The following WAC variants were observed in gnomAD, a reference collection of about 807,000 sequenced individuals.
WAC encodes the protein WW domain-containing adapter protein with coiled-coil.
A neutral mutation model predicts 79.6 loss-of-function variants in WAC; 11 were observed. That is an observed-to-expected ratio of 0.14 (90% CI 0.09 to 0.23). The LOEUF (loss-of-function observed/expected upper bound fraction) is 0.23, where lower values mean the gene tolerates loss of function less well. Ranked by LOEUF, WAC falls within the 10% of genes least tolerant of loss-of-function variation. The pLI, the probability that WAC is intolerant of heterozygous loss-of-function variation, is 1.00. For missense variants in WAC, 728 were observed against 773.5 expected (o/e 0.94, Z 0.70); for synonymous variants, 304 against 276.9 (o/e 1.10, Z -0.97).
chr10:28,543,970 A>G (rs1352070955), intron 3 of WAC, among the ~76,000 whole-genome samples: 1 of 152,152 alleles, frequency 6.6e-6, no homozygotes, highest in Non-Finnish European at 1.5e-5. Flanking sequence ...GCTCACAGCA[A>G]GCTCGCCTCT....
intron 1 of WAC, 138 bp downstream of exon 1, chr10:28,533,758 C>CTG: frequency 1.9e-6 from 2 of 1,073,470 alleles, no homozygotes; most frequent in African/African-American, 3.4e-5. Flanking sequence ...GGAGGAGCGG[C>CTG]CGCGCGGGCG....
Position 28,533,639 on chromosome 10 carries a change from T to C in WAC, c.41+19T>C, listed in dbSNP as rs372295358. The C allele has an allele frequency of 6.3e-7, 1 of 1,578,802 alleles. No individual in the cohort carries two copies. Among genetic ancestry groups the C allele is most frequent in the Non-Finnish European group, 8.6e-7 (1 of 1,160,506 alleles). ...GTGATGGGTAAATTGTCTTTTCGTTTCGGGCCGGGCGGCGGCGGGGGGCGG... is the reference window on the plus strand; with the variant it reads ...GTGATGGGTAAATTGTCTTTTCGTTCCGGGCCGGGCGGCGGCGGGGGGCGG... On this transcript the variant is annotated intron_variant, in intron 1 of 13. Transcript: ENST00000354911.
intron 3 of WAC, among the ~76,000 whole-genome samples, chr10:28,582,996 A>C (rs1839618134): frequency 6.6e-6 from 1 of 152,166 alleles, no homozygotes; most frequent in South Asian, 2.1e-4. Flanking sequence ...CAGTTGCAAA[A>C]ACATACTGAT....
rs1324705770 is a variant in WAC, at chr10:28,541,415, G to T, written c.274+5658G>T. Among the ~76,000 whole-genome samples the T allele has an allele frequency of 5.0e-3, 191 of 37,886 alleles. 5 individuals are homozygous for T. Among genetic ancestry groups the T allele is most frequent in the Non-Finnish European group, 7.1e-3 (167 of 23,612 alleles). 24.9% of individuals were successfully genotyped at this position (37,886 alleles called of 152,430 possible). ...TTTTTGTGGGGTTGTGTGTGTGTGT[G>T]TTTTGTTTTTTTTTTTTTTTTTTTT... On this transcript the variant is annotated intron_variant, in intron 3 of 13. Coordinates refer to ENST00000354911, the MANE Select transcript of WAC (RefSeq NM_016628.5).
At position 28,572,173 on chromosome 10, in the gene WAC, C is replaced by T. The variant is rs557344721; in HGVS notation, c.275-11226C>T. Among the ~76,000 whole-genome samples, 52 of 97,282 alleles carry T rather than the reference C, an allele frequency of 5.3e-4. No homozygotes were observed. The East Asian group carries it at 0.013, about 24-fold the overall frequency. 63.8% of individuals were successfully genotyped at this position (97,282 alleles called of 152,430 possible). On this transcript the variant is annotated intron_variant, in intron 3 of 13. Transcript: ENST00000354911. ...CCAAGATGGTGAAACCCCATCTCTACTAAAAGTACAAAAATTAGCCGGGCT... is the reference window on the plus strand; with the variant it reads ...CCAAGATGGTGAAACCCCATCTCTATTAAAAGTACAAAAATTAGCCGGGCT...
chr10:28,593,853 T>C (rs1840222234), intron 6 of WAC, among the ~76,000 whole-genome samples: 1 of 152,242 alleles, frequency 6.6e-6, no homozygotes, highest in African/African-American at 2.4e-5. Flanking sequence ...TTTGCAAACC[T>C]GTGCTTTATA....
intron 9 of WAC, 111 bp from the exon 10 acceptor site, chr10:28,611,663 G>A (rs926765093): frequency 2.2e-6 from 3 of 1,369,258 alleles, no homozygotes; most frequent in African/African-American, 2.9e-5. Flanking sequence ...TAATATGGGG[G>A]TGGGGGGGTT....
At chr10:28,573,253 TC>T (rs916997116) in intron 3 of WAC, among the ~76,000 whole-genome samples, 18 of 152,058 alleles carry the variant, frequency 1.2e-4, no homozygotes, top group Non-Finnish European at 1.6e-4. Context: ...AATTGTCATC[TC>T]CCCCCCAAAA....
At chr10:28,583,262 C>A in intron 3 of WAC, 137 bp from the exon 4 acceptor site, 1 of 565,020 alleles carries the variant, frequency 1.8e-6, no homozygotes, top group Non-Finnish European at 3.0e-6. Context: ...AAAAGTATGA[C>A]TGTGTATATA....
chr10:28,603,968 T>A (rs868393161), intron 7 of WAC, among the ~76,000 whole-genome samples: 592 of 8,586 alleles, frequency 0.069, 108 homozygotes, highest in African/African-American at 0.22. Flanking sequence ...TATGTATATA[T>A]ATATATATAT....
At chr10:28,606,107 A>G (rs574975706) in intron 7 of WAC, among the ~76,000 whole-genome samples, 26 of 151,656 alleles carry the variant, frequency 1.7e-4, no homozygotes, top group African/African-American at 6.1e-4. Context: ...GCTAGATTGC[A>G]GTGGCTGAAT....
chr10:28,560,810 G>A (rs561115581), intron 3 of WAC, among the ~76,000 whole-genome samples: 1 of 152,192 alleles, frequency 6.6e-6, no homozygotes, highest in Non-Finnish European at 1.5e-5. Flanking sequence ...AAGTGAAGGG[G>A]TGTTGCCAGC....
intron 11 of WAC, 110 bp from the exon 12 acceptor site, chr10:28,616,063 A>T (rs1841453389): frequency 6.9e-6 from 6 of 864,910 alleles, no homozygotes; most frequent in Non-Finnish European, 1.0e-5. Flanking sequence ...AATTTTTCTT[A>T]GGAATTTGGA....
intron 3 of WAC, among the ~76,000 whole-genome samples, chr10:28,580,625 T>G (rs1009881925): frequency 2.0e-4 from 30 of 152,126 alleles, no homozygotes; most frequent in African/African-American, 7.2e-4. Context: ...GTCGACAAAC[T>G]TAAGGAAATT....
At position 28,547,918 on chromosome 10, in the gene WAC, T is replaced by TC. The variant is rs201089283; in HGVS notation, c.274+12161_274+12162insC. Among the ~76,000 whole-genome samples the TC allele has an allele frequency of 1.8e-3, 270 of 147,960 alleles. 7 individuals are homozygous for TC. In the East Asian group the frequency reaches 0.048, roughly 26 times the overall value. ...TTTTAATTTTCTTTCTCTTTTTCTTTTTTTTTTTTTTTCTTCTTTGAGAGA... is the reference window on the plus strand; with the variant it reads ...TTTTAATTTTCTTTCTCTTTTTCTTTCTTTTTTTTTTTTCTTCTTTGAGAGA... On this transcript the variant is annotated intron_variant, in intron 3 of 13. Coordinates refer to ENST00000354911, the MANE Select transcript of WAC (RefSeq NM_016628.5).
intron 7 of WAC, among the ~76,000 whole-genome samples, chr10:28,607,445 A>G (rs925040535): frequency 2.6e-5 from 4 of 152,210 alleles, no homozygotes; most frequent in African/African-American, 7.2e-5. Context: ...CATTAAATCT[A>G]TATAAATAAT....
intron 3 of WAC, among the ~76,000 whole-genome samples, chr10:28,564,309 A>G (rs1368476825): frequency 6.6e-6 from 1 of 152,176 alleles, no homozygotes; most frequent in South Asian, 2.1e-4. Context: ...TGGGAAGGGA[A>G]AATGTCCTGT....
At chr10:28,556,890 G>A (rs1168866775) in intron 3 of WAC, among the ~76,000 whole-genome samples, 4 of 152,052 alleles carry the variant, frequency 2.6e-5, no homozygotes, top group African/African-American at 9.7e-5. Context: ...TTATTTTTGG[G>A]TGTTCTGTTG....
rs953578186 is a variant in WAC at position 28,622,717 on chromosome 10, G to C, written c.*3111G>C. 2 of 151,930 alleles carry C rather than the reference G, an allele frequency of 1.3e-5. No individual in the cohort carries two copies. Among genetic ancestry groups the C allele is most frequent in the Non-Finnish European group, 2.9e-5 (2 of 68,004 alleles). The allele number at this position is 151,930 out of a possible 1,614,324, so 9.4% of individuals were successfully genotyped here. ...CTTTGTTTCACACTTGTAAAATCTTGGGAAGGAGGTTCTTAAAACTTTGCC... is the reference window on the plus strand; with the variant it reads ...CTTTGTTTCACACTTGTAAAATCTTCGGAAGGAGGTTCTTAAAACTTTGCC... On this transcript the variant is annotated 3_prime_UTR_variant, in exon 14 of 14. Coordinates refer to ENST00000354911, the MANE Select transcript of WAC (RefSeq NM_016628.5).
Sources: gnomAD v4.1 joint callset for allele counts (sites outside exome capture counted in the v4.1 genomes callset) on GRCh38, gnomAD v4.1.1 for gene constraint, MANE v1.5 for transcripts, NCBI Gene and HGNC (gene_info 2026-07-23, HGNC 2026-07-21) for gene names.